The following CMIP variants were observed in gnomAD, a reference collection of about 807,000 sequenced individuals.
CMIP encodes C-Maf-inducing protein.
CMIP carries 13 observed loss-of-function variants against 97.3 expected under a neutral mutation model. The ratio of observed to expected loss-of-function variants is 0.13; its 90% CI spans 0.09 to 0.21. The LOEUF is 0.21. Among genes scored for constraint, CMIP ranks in the 10% least tolerant of loss-of-function variants. The probability of loss-of-function intolerance (pLI) is 1.00; values close to 1 mark genes in which losing one functional copy is unlikely to be tolerated. For missense variants in CMIP, 847 were observed against 1,024.9 expected, an observed-to-expected ratio of 0.83 and a Z score of 2.37; for synonymous variants, 538 against 436.3, an observed-to-expected ratio of 1.23 and a Z score of -2.91.
intron 7 of CMIP, among the ~76,000 whole-genome samples, chr16:81,669,711 C>G (rs911182472): frequency 8.9e-6 from 1 of 112,280 alleles, no homozygotes; most frequent in African/African-American, 3.5e-5. Context: ...CACCTCCTCC[C>G]ATACCCACCT....
intron 1 of CMIP, among the ~76,000 whole-genome samples, chr16:81,605,172 C>T (rs1255188870): frequency 6.6e-6 from 1 of 152,200 alleles, no homozygotes; most frequent in African/African-American, 2.4e-5. Flanking sequence ...ATAGGGAGAA[C>T]AGAACAGTGC....
chr16:81,540,790 C>T (rs1451542286), intron 1 of CMIP, among the ~76,000 whole-genome samples: 1 of 152,004 alleles, frequency 6.6e-6, no homozygotes, highest in African/African-American at 2.4e-5. Flanking sequence ...AAGCGATGCT[C>T]CTGCCTCAGC....
At chr16:81,546,438 C>G (rs1177709860) in intron 1 of CMIP, among the ~76,000 whole-genome samples, 2 of 152,122 alleles carry the variant, frequency 1.3e-5, no homozygotes, top group African/African-American at 4.8e-5. Context: ...AGGGAGTTTT[C>G]CTTTTCATGA....
rs571477162 is a variant in CMIP, at chr16:81,566,561, C to G, written c.301-41006C>G. ...CTCTGTTTCTTCATATTCAAGGAGG[C>G]CTTCCTAGGTTGCCTGCTTACCAGG... is the stretch of plus-strand genomic sequence containing the variant. On this transcript the variant is annotated intron_variant, in intron 1 of 20. Transcript: ENST00000537098. Among the ~76,000 whole-genome samples, 10 of 152,288 alleles carry G rather than the reference C, an allele frequency of 6.6e-5. No homozygotes were observed. In the East Asian group the frequency reaches 1.3e-3, roughly 21 times the overall value.
rs567806860 is a variant in CMIP, at chr16:81,618,994, C to G, written c.427-1882C>G. 30 of 152,386 alleles carry G rather than the reference C, an allele frequency of 2.0e-4. 2 individuals are homozygous for G. The highest frequency in any genetic ancestry group is 3.4e-3 in the Middle Eastern group (1 of 296). The allele number at this position is 152,386 out of a possible 1,614,324, so 9.4% of individuals were successfully genotyped here. The stretch of plus-strand genomic sequence containing the variant: ...TGATGGGAGGGAGCTCAGCAACAGT[C>G]TCTCCAGGGGGCTGTTTCTCCTCCT... On this transcript the variant is annotated intron_variant, in intron 2 of 20. Coordinates refer to ENST00000537098, the MANE Select transcript of CMIP (RefSeq NM_198390.3).
intron 1 of CMIP, chr16:81,517,859 C>T: frequency 1.2e-6 from 1 of 822,174 alleles, no homozygotes; most frequent in African/African-American, 1.8e-5. Context: ...GGAGATGCAG[C>T]CAGGGCGCAG....
In CMIP at chr16:81,620,437, A is replaced by C. The variant is rs956274984; in HGVS notation, c.427-439A>C. 2.5e-5 allele frequency: 4 copies of C among 161,762 alleles called. No homozygotes were observed. In the South Asian group the frequency reaches 6.8e-4, roughly 28 times the overall value. The allele number at this position is 161,762 out of a possible 1,614,324, so 10.0% of individuals were successfully genotyped here. A position where few individuals can be genotyped will look rare whatever the true frequency, so the allele number is the denominator to read the frequency against. On this transcript the variant is annotated intron_variant, in intron 2 of 20. Coordinates refer to ENST00000537098, the MANE Select transcript of CMIP (RefSeq NM_198390.3). Reference sequence around the variant, plus strand: ...GGTGCCACCTCATAGGGCTGCTGTGAGGACCAAGGAGAGACTACGTGGATA... The same window carrying C: ...GGTGCCACCTCATAGGGCTGCTGTGCGGACCAAGGAGAGACTACGTGGATA...
intron 1 of CMIP, among the ~76,000 whole-genome samples, chr16:81,589,505 C>G (rs1046484903): frequency 4.0e-5 from 6 of 150,804 alleles, no homozygotes; most frequent in African/African-American, 1.5e-4. Context: ...TTTTTCCACC[C>G]TATGGCGAGT....
At chr16:81,497,189 T>C (rs751456129) in intron 1 of CMIP, among the ~76,000 whole-genome samples, 9 of 152,208 alleles carry the variant, frequency 5.9e-5, no homozygotes, top group Non-Finnish European at 1.2e-4. Context: ...ACTCAGTAGC[T>C]TGGGGCTCCC....
chr16:81,612,602 G>A (rs1410811936), intron 2 of CMIP, among the ~76,000 whole-genome samples: 1 of 152,204 alleles, frequency 6.6e-6, no homozygotes, highest in Non-Finnish European at 1.5e-5. Context: ...CGCACCCTGG[G>A]CTGTTTTTCT....
intron 8 of CMIP, 91 bp downstream of exon 8, chr16:81,670,336 T>G: frequency 7.4e-7 from 1 of 1,352,240 alleles, no homozygotes; most frequent in Non-Finnish European, 1.0e-6. Context: ...GGCTGTCGTG[T>G]AATTAAATGA....
intron 6 of CMIP, among the ~76,000 whole-genome samples, chr16:81,661,216 G>C (rs1327276719): frequency 2.0e-5 from 3 of 152,250 alleles, no homozygotes; most frequent in South Asian, 2.1e-4. Flanking sequence ...GGTTGCTGCA[G>C]ATTTCCTGGG....
At chr16:81,541,997 C>T (rs1007978888) in intron 1 of CMIP, among the ~76,000 whole-genome samples, 7 of 152,160 alleles carry the variant, frequency 4.6e-5, no homozygotes, top group African/African-American at 1.7e-4. Context: ...TTCTAATAAC[C>T]AAAGACTGAC....
At chr16:81,529,404 G>T (rs2090189902) in intron 1 of CMIP, among the ~76,000 whole-genome samples, 1 of 152,184 alleles carries the variant, frequency 6.6e-6, no homozygotes, top group Admixed American at 6.5e-5. Context: ...GGGTGACATA[G>T]ATGGCTCTGG....
chr16:81,587,817 A>G (rs8047876), intron 1 of CMIP, among the ~76,000 whole-genome samples: 26,949 of 152,164 alleles, frequency 0.18, 3,032 homozygotes, highest in African/African-American at 0.31. Flanking sequence ...TGAGAGCCTC[A>G]GATGTTTTGG....
intron 1 of CMIP, among the ~76,000 whole-genome samples, chr16:81,460,174 C>G (rs905323104): frequency 6.6e-6 from 1 of 152,122 alleles, no homozygotes; most frequent in Non-Finnish European, 1.5e-5. Context: ...TCTTTCCAGC[C>G]TTTGCCTTGG....
chr16:81,700,375 C>G (rs1156290838), intron 15 of CMIP: 1 of 155,072 alleles, frequency 6.4e-6, no homozygotes, highest in South Asian at 2.0e-4. Flanking sequence ...CCTGCACGCT[C>G]CAAAGTCCCC....
chr16:81,476,040 A>G, intron 1 of CMIP: 2 of 704,488 alleles, frequency 2.8e-6, no homozygotes, highest in Non-Finnish European at 5.2e-6. Context: ...AGTTGTCCAC[A>G]GTTAGCAATA....
intron 1 of CMIP, among the ~76,000 whole-genome samples, chr16:81,457,705 C>T (rs1048138604): frequency 1.3e-5 from 2 of 152,244 alleles, no homozygotes; most frequent in Non-Finnish European, 2.9e-5. Context: ...GCAGGGGCTG[C>T]CCGGGCTGGC....
Sources: allele counts gnomAD v4.1 joint callset (sites outside exome capture counted in the v4.1 genomes callset), GRCh38; gene constraint gnomAD v4.1.1; transcripts MANE v1.5; gene names NCBI Gene and HGNC (gene_info 2026-07-23, HGNC 2026-07-21).